Variants in SNRPD2 observed in about 807,000 individuals in gnomAD.
SNRPD2 encodes the protein small nuclear ribonucleoprotein Sm D2.
A neutral mutation model predicts 11.5 loss-of-function variants in SNRPD2; 1 was observed. The ratio of observed to expected loss-of-function variants is 0.09; its 90% CI spans 0.03 to 0.41. The LOEUF (loss-of-function observed/expected upper bound fraction) is 0.41. SNRPD2 is among the 10% of genes least tolerant of loss of function. The probability of loss-of-function intolerance (pLI) is 0.98; values close to 1 mark genes in which losing one functional copy is unlikely to be tolerated. For missense variants in SNRPD2, 77 were observed against 154.9 expected (o/e 0.50, Z 2.67); for synonymous variants, 63 against 61.5 (o/e 1.02, Z -0.12).
chr19:45,687,483 T>G lies in SNRPD2; in HGVS notation c.*70A>C. ...ACTAGAAAAAAACACAGAGCTTTAT[T>G]ATTCTCAACACCAATGGCAGCGGTC... is the stretch of plus-strand genomic sequence containing the variant. On this transcript the variant is annotated 3_prime_UTR_variant, in exon 3 of 3. Transcript: ENST00000342669. This position sits in a 1 kb window ranked among gnomAD's most constrained non-coding sequence, Gnocchi z 4.1. 7.1e-7 allele frequency: 1 copy of G among 1,415,210 alleles called. No individual in the cohort carries two copies. The highest frequency in any genetic ancestry group is 1.2e-5 in the South Asian group (1 of 82,420). The allele number at this position is 1,415,210 out of a possible 1,614,324, so 87.7% of individuals were successfully genotyped here.
chr19:45,688,082 G>C lies in SNRPD2; in HGVS notation c.182+305C>G, dbSNP rs1967455169. On this transcript the variant is annotated intron_variant, in intron 2 of 2. Transcript: ENST00000342669. This position sits in a 1 kb window ranked among gnomAD's most constrained non-coding sequence, Gnocchi z 4.1. ...GCTCACCACAACCTCCGCCTCCTGG[G>C]TTCAGGCTATTCTTGTGCCTCGGCC... 6.6e-6 allele frequency among the ~76,000 whole-genome samples: 1 copy of C among 152,222 alleles called. No individual in the cohort carries two copies. Among genetic ancestry groups the C allele is most frequent in the Admixed American group, 6.5e-5 (1 of 15,278 alleles).
At chr19:45,692,185 C>G (rs1967579994), upstream of SNRPD2, 7 of 554,692 alleles carry the variant, frequency 1.3e-5, no homozygotes, top group Middle Eastern at 5.2e-4. Flanking sequence ...AAGAATGGTA[C>G]AGGTTGAAGG....
At position 45,688,429 on chromosome 19, in the gene SNRPD2, C is replaced by T. The variant is rs1159084657; in HGVS notation, c.140G>A (p.Arg47His). ...KNNTQVLINC[R>H]NNKKLLGRVK... ...GCGGCCCAGGAGTTTCTTATTGTTG[C>T]GGCAGTTGATGAGCACTTGGGTATT... is the stretch of plus-strand genomic sequence containing the variant. The change falls in exon 2 of 3, where the codon CGC becomes CAC. Residue 47 changes from arginine (R) to histidine (H), a missense_variant. By Grantham distance (29) the Arg-to-His change is conservative (BLOSUM62 0). Coordinates refer to ENST00000342669, the MANE Select transcript of SNRPD2 (RefSeq NM_001384647.1). This position sits in a 1 kb window ranked among gnomAD's most constrained non-coding sequence, Gnocchi z 4.1. 3 of 1,614,186 alleles carry T rather than the reference C, an allele frequency of 1.9e-6. No homozygotes were observed. The highest frequency in any genetic ancestry group is 1.3e-5 in the African/African-American group (1 of 75,044).
upstream of SNRPD2, chr19:45,692,177 G>C (rs1432897044): frequency 6.8e-6 from 4 of 589,102 alleles, no homozygotes; most frequent in South Asian, 8.4e-5. Context: ...GTTTCTTGAA[G>C]AATGGTACAG....
intron 1 of SNRPD2, among the ~76,000 whole-genome samples, chr19:45,690,841 A>AG (rs1354083499): frequency 1.3e-5 from 2 of 151,840 alleles, no homozygotes; most frequent in Non-Finnish European, 2.9e-5. Flanking sequence ...CAAAAAAAAA[A>AG]AAAAAAAGAA....
Position 45,688,449 on chromosome 19 carries a change from G to A in SNRPD2, c.120C>T (p.Thr40=). 1 of 1,614,152 alleles carries A rather than the reference G, an allele frequency of 6.2e-7. No homozygotes were observed. Among genetic ancestry groups the A allele is most frequent in the Non-Finnish European group, 8.5e-7 (1 of 1,180,004 alleles). ...SVLTQSVKNN[T]QVLINCRNNK... is the part of the protein sequence containing the mutation. The stretch of plus-strand genomic sequence containing the variant: ...TGTTGCGGCAGTTGATGAGCACTTG[G>A]GTATTGTTCTTGACTGACTGTGTGA... Residue 40 remains threonine, a synonymous_variant, in exon 2 of 3, where the codon ACC becomes ACT. Coordinates refer to ENST00000342669, the MANE Select transcript of SNRPD2 (RefSeq NM_001384647.1). This position sits in a 1 kb window ranked among gnomAD's most constrained non-coding sequence, Gnocchi z 4.1.
In SNRPD2 at chr19:45,687,559, G is replaced by C. The variant is rs747421783; in HGVS notation, c.351C>G (p.Gly117=). Residue 117 remains glycine, a synonymous_variant, in exon 3 of 3, where the codon GGC becomes GGG. Transcript: ENST00000342669. This position sits in a 1 kb window ranked among gnomAD's most constrained non-coding sequence, Gnocchi z 4.1. The part of the protein sequence containing the change: ...IVVLRNPLIA[G]K ...GTCAACAGACAGGCGGCCCCTACTT[G>C]CCGGCGATGAGCGGGTTCCGCAGGA... 1.9e-6 allele frequency: 3 copies of C among 1,614,024 alleles called. No homozygotes were observed. Among genetic ancestry groups the C allele is most frequent in the Admixed American group, 1.7e-5 (1 of 60,026 alleles).
At chr19:45,689,466 G>A (rs980218195) in intron 1 of SNRPD2, 10 of 287,936 alleles carry the variant, frequency 3.5e-5, no homozygotes, top group African/African-American at 6.7e-5. Context: ...TGAGGAGTTC[G>A]AGACCAGCCT....
chr19:45,691,903 T>A lies in SNRPD2; in HGVS notation c.-15A>T. 1.9e-6 allele frequency: 3 copies of A among 1,613,972 alleles called. No individual in the cohort carries two copies. The highest frequency in any genetic ancestry group is 2.5e-6 in the Non-Finnish European group (3 of 1,179,968). On this transcript the variant is annotated 5_prime_UTR_variant, in exon 1 of 3. Coordinates refer to ENST00000342669, the MANE Select transcript of SNRPD2 (RefSeq NM_001384647.1). The stretch of plus-strand genomic sequence containing the variant: ...CGGCCTCACATGATGGTCACTACGC[T>A]CTCCGTTCACTCCCGTTTCCTCCGC...
At chr19:45,689,774 C>CT (rs1255240685) in intron 1 of SNRPD2, among the ~76,000 whole-genome samples, 1 of 152,140 alleles carries the variant, frequency 6.6e-6, no homozygotes, top group African/African-American at 2.4e-5. Context: ...TGGCTCACGC[C>CT]TGTAATCCCA....
chr19:45,688,360 G>A lies in SNRPD2; in HGVS notation c.182+27C>T. The A allele has an allele frequency of 1.2e-6, 2 of 1,610,154 alleles. No homozygotes were observed. Among genetic ancestry groups the A allele is most frequent in the Non-Finnish European group, 1.7e-6 (2 of 1,176,756 alleles). On this transcript the variant is annotated intron_variant, in intron 2 of 2. Coordinates refer to ENST00000342669, the MANE Select transcript of SNRPD2 (RefSeq NM_001384647.1). The surrounding 1 kb of genome is among the most constrained non-coding windows in gnomAD (Gnocchi z 4.1). ...GGAGTGGCCTCTCCAGGCCTGCGGAGAACACCTCCCAGGACCCAGCACTCA... is the reference window on the plus strand; with the variant it reads ...GGAGTGGCCTCTCCAGGCCTGCGGAAAACACCTCCCAGGACCCAGCACTCA...
upstream of SNRPD2, chr19:45,692,078 TCG>T: frequency 6.7e-7 from 1 of 1,500,390 alleles, no homozygotes; most frequent in African/African-American, 1.4e-5. Flanking sequence ...AATAAAAGCT[TCG>T]GGTAGGGGTT....
Position 45,687,799 on chromosome 19 carries a change from T to A in SNRPD2, c.183-72A>T. ...TCTGACAGTGCCCCCTACTGCCTGC[T>A]GCTCGCCCCCTCCAGCAGCATGGCT... On this transcript the variant is annotated intron_variant, in intron 2 of 2. Coordinates refer to ENST00000342669, the MANE Select transcript of SNRPD2 (RefSeq NM_001384647.1). This position sits in a 1 kb window ranked among gnomAD's most constrained non-coding sequence, Gnocchi z 4.1. 1 of 1,261,564 alleles carries A rather than the reference T, an allele frequency of 7.9e-7. No homozygotes were observed. The highest frequency in any genetic ancestry group is 1.1e-6 in the Non-Finnish European group (1 of 875,928). 78.1% of individuals were successfully genotyped at this position (1,261,564 alleles called of 1,614,324 possible). A position where few individuals can be genotyped will look rare whatever the true frequency, so the allele number is the denominator to read the frequency against.
intron 1 of SNRPD2, among the ~76,000 whole-genome samples, chr19:45,690,166 C>G (rs1167705927): frequency 6.6e-6 from 1 of 150,568 alleles, no homozygotes; most frequent in African/African-American, 2.4e-5. Context: ...CCCGTCTCTA[C>G]TGAAAATACA....
intron 1 of SNRPD2, chr19:45,691,675 G>A: frequency 1.5e-6 from 1 of 667,314 alleles, no homozygotes; most frequent in Non-Finnish European, 2.7e-6. Context: ...CCAGCCCAGG[G>A]CGTTATCTGA....
At chr19:45,689,840 C>G (rs1967492722) in intron 1 of SNRPD2, among the ~76,000 whole-genome samples, 1 of 149,558 alleles carries the variant, frequency 6.7e-6, no homozygotes, top group Non-Finnish European at 1.5e-5. Context: ...TTCGAGACCA[C>G]CCAGGGCAAG....
rs372269416 is a variant in SNRPD2, at chr19:45,687,505, G to A, written c.*48C>T. On this transcript the variant is annotated 3_prime_UTR_variant, in exon 3 of 3. Coordinates refer to ENST00000342669, the MANE Select transcript of SNRPD2 (RefSeq NM_001384647.1). The surrounding 1 kb of genome is among the most constrained non-coding windows in gnomAD (Gnocchi z 4.1). ...TATTATTCTCAACACCAATGGCAGC[G>A]GTCTTCATAGGACAGAGGAGTGAGT... 2.6e-5 allele frequency: 40 copies of A among 1,529,188 alleles called. No individual in the cohort carries two copies. In the Admixed American group the frequency reaches 2.9e-4, roughly 11 times the overall value. 94.7% of individuals were successfully genotyped at this position (1,529,188 alleles called of 1,614,324 possible).
Position 45,687,668 on chromosome 19 carries a change from C to A in SNRPD2, c.242G>T (p.Gly81Val). The change falls in exon 3 of 3, where the codon GGC becomes GTC. Residue 81 changes from glycine to valine, a missense_variant. Gly to Val is a moderately radical substitution (Grantham distance 109, BLOSUM62 -3). Coordinates refer to ENST00000342669, the MANE Select transcript of SNRPD2 (RefSeq NM_001384647.1). This position sits in a 1 kb window ranked among gnomAD's most constrained non-coding sequence, Gnocchi z 4.1. ...TGGCTTGGACTTCTTCTTGCCCTTG[C>A]CACTCTTGGGTACCTCAGTCCACAT... Reference protein sequence around the residue: ...KEMWTEVPKSGKGKKKSKPVN... With the variant: ...KEMWTEVPKSVKGKKKSKPVN... 1 of 1,613,974 alleles carries A rather than the reference C, an allele frequency of 6.2e-7. No individual in the cohort carries two copies. Among genetic ancestry groups the A allele is most frequent in the Non-Finnish European group, 8.5e-7 (1 of 1,179,836 alleles).
rs34078197 is a variant in SNRPD2 at position 45,688,792 on chromosome 19, A to G, written c.3-226T>C. Among the ~76,000 whole-genome samples, 36,353 of 150,766 alleles carry G rather than the reference A, an allele frequency of 0.24. 4,613 individuals carry two copies. The highest frequency in any genetic ancestry group is 0.41 in the East Asian group (2,095 of 5,102). On this transcript the variant is annotated intron_variant, in intron 1 of 2. Coordinates refer to ENST00000342669, the MANE Select transcript of SNRPD2 (RefSeq NM_001384647.1). The surrounding 1 kb of genome is among the most constrained non-coding windows in gnomAD (Gnocchi z 4.1). The stretch of plus-strand genomic sequence containing the variant: ...CTGTTGCCCAGGCTGGAGCGCAGTG[A>G]TGTGATCTCGGCTCACTGCAACCTC...
Sources: allele counts gnomAD v4.1 joint callset (sites outside exome capture counted in the v4.1 genomes callset), GRCh38; gene constraint gnomAD v4.1.1; non-coding constraint Gnocchi (gnomAD v3.1); transcripts MANE v1.5; gene names NCBI Gene and HGNC (gene_info 2026-07-23, HGNC 2026-07-21).